The following NETO1 variants were observed in gnomAD, a reference collection of about 807,000 sequenced individuals.
NETO1 encodes neuropilin and tolloid-like protein 1.
A neutral mutation model predicts 61.3 loss-of-function variants in NETO1; 26 were observed. The observed-to-expected ratio is 0.42, with a 90% confidence interval of 0.31 to 0.59. The LOEUF (loss-of-function observed/expected upper bound fraction) is 0.59. Among genes scored for constraint, NETO1 ranks in the 20% least tolerant of loss-of-function variants. The pLI is 0.12. For missense variants in NETO1, 531 were observed against 662.8 expected (o/e 0.80, Z 2.18); for synonymous variants, 225 against 225.8 (o/e 1.00, Z 0.03).
At chr18:72,798,304 C>T (rs73471805) in intron 4 of NETO1, among the ~76,000 whole-genome samples, 50,331 of 152,028 alleles carry the variant, frequency 0.33, 9,416 homozygotes, top group East Asian at 0.52. Flanking sequence ...CTAGGGTGCA[C>T]GCTCCTTATG....
intron 4 of NETO1, among the ~76,000 whole-genome samples, chr18:72,852,506 T>C (rs944407903): frequency 1.4e-4 from 21 of 152,084 alleles, no homozygotes; most frequent in Non-Finnish European, 2.2e-4. Context: ...TGAGCCACCG[T>C]GCCCGGCCGG....
chr18:72,784,373 GT>G (rs2071842900), intron 6 of NETO1, among the ~76,000 whole-genome samples: 1 of 152,078 alleles, frequency 6.6e-6, no homozygotes, highest in Non-Finnish European at 1.5e-5. Context: ...TCTCTGATTT[GT>G]TTAATCAAAT....
chr18:72,858,294 T>G (rs1461933857), intron 4 of NETO1, among the ~76,000 whole-genome samples: 1 of 152,116 alleles, frequency 6.6e-6, no homozygotes, highest in African/African-American at 2.4e-5. Context: ...TGTAAATGAG[T>G]ATTTGGCTGT....
At chr18:72,755,919 G>T in intron 8 of NETO1, 115 bp downstream of exon 8, 1 of 575,472 alleles carries the variant, frequency 1.7e-6, no homozygotes, top group Admixed American at 2.9e-5. Flanking sequence ...ATATGCGGTG[G>T]TCATAAAAGG....
At chr18:72,755,216 T>C (rs1232284413) in intron 8 of NETO1, among the ~76,000 whole-genome samples, 2 of 152,206 alleles carry the variant, frequency 1.3e-5, no homozygotes, top group Non-Finnish European at 2.9e-5. Flanking sequence ...TCAAAAGTAA[T>C]GGATTACGAA....
chr18:72,828,342 A>C (rs2145365257), intron 4 of NETO1, among the ~76,000 whole-genome samples: 1 of 152,300 alleles, frequency 6.6e-6, no homozygotes, highest in East Asian at 1.9e-4. Context: ...AAGAGCTCCC[A>C]AAACAGAAGC....
intron 7 of NETO1, among the ~76,000 whole-genome samples, chr18:72,758,178 G>A (rs1403668008): frequency 6.6e-6 from 1 of 152,076 alleles, no homozygotes; most frequent in African/African-American, 2.4e-5. Flanking sequence ...ATGGGATTGT[G>A]TCTGTTTCTG....
chr18:72,854,727 C>T (rs1182753649), intron 4 of NETO1, among the ~76,000 whole-genome samples: 4 of 152,072 alleles, frequency 2.6e-5, no homozygotes, highest in South Asian at 2.1e-4. Flanking sequence ...AGTGGTATTC[C>T]CTCTTCTAAA....
Position 72,750,135 on chromosome 18 carries a change from A to G in NETO1, c.1468T>C (p.Cys490Arg). 8 of 1,613,668 alleles carry G rather than the reference A, an allele frequency of 5.0e-6. No individual in the cohort carries two copies. Among genetic ancestry groups the G allele is most frequent in the Non-Finnish European group, 6.8e-6 (8 of 1,179,854 alleles). Residue 490 changes from cysteine (C) to arginine (R), a missense_variant, in exon 9 of 11, where the codon TGT (cysteine) becomes CGT (arginine). Physicochemically the swap from Cys to Arg is radical, Grantham distance 180. Transcript: ENST00000327305. Reference protein sequence around the residue: ...HSYSQDAADACDIDEIEEVPT... With the variant: ...HSYSQDAADARDIDEIEEVPT... The stretch of plus-strand genomic sequence containing the variant: ...ACCTCTTCGATTTCATCTATGTCAC[A>G]GGCATCTGCAGCATCTTGCGAGTAG...
At chr18:72,820,283 G>A (rs1365268929) in intron 4 of NETO1, among the ~76,000 whole-genome samples, 1 of 152,152 alleles carries the variant, frequency 6.6e-6, no homozygotes, top group Non-Finnish European at 1.5e-5. Flanking sequence ...TTATAAGCAC[G>A]TTTCTAAAGT....
chr18:72,762,859 G>A (rs116628109), intron 7 of NETO1, among the ~76,000 whole-genome samples: 13,304 of 152,164 alleles, frequency 0.087, 724 homozygotes, highest in Middle Eastern at 0.17. Flanking sequence ...TTATGTAGCA[G>A]GGGACGACAA....
intron 7 of NETO1, among the ~76,000 whole-genome samples, chr18:72,776,058 T>TA (rs1213045334): frequency 9.9e-5 from 15 of 151,876 alleles, no homozygotes; most frequent in African/African-American, 2.9e-4. Context: ...AAACAAAAAA[T>TA]AAAAAAAGAC....
At chr18:72,804,273 G>A (rs909515319) in intron 4 of NETO1, among the ~76,000 whole-genome samples, 7 of 152,096 alleles carry the variant, frequency 4.6e-5, no homozygotes, top group Admixed American at 1.3e-4. Flanking sequence ...CGTCTGCCCC[G>A]ACCAACCTTA....
intron 4 of NETO1, among the ~76,000 whole-genome samples, chr18:72,850,171 A>G (rs985033690): frequency 6.6e-6 from 1 of 152,220 alleles, no homozygotes; most frequent in African/African-American, 2.4e-5. Context: ...GCTACTATAC[A>G]TGGCTTCTAG....
In NETO1 at chr18:72,752,432, G is replaced by A. The variant is rs562054526; in HGVS notation, c.983-1812C>T. On this transcript the variant is annotated intron_variant, in intron 8 of 10. Coordinates refer to ENST00000327305, the MANE Select transcript of NETO1 (RefSeq NM_138966.5). Reference sequence around the variant, plus strand: ...AACCGTGTTGCCCAAGGCTGATGGTGCGAAGTCCAAGGCGGTGGCCTCTGT... The same window carrying A: ...AACCGTGTTGCCCAAGGCTGATGGTACGAAGTCCAAGGCGGTGGCCTCTGT... 1.5e-4 allele frequency among the ~76,000 whole-genome samples: 23 copies of A among 152,300 alleles called. No individual in the cohort carries two copies. In the South Asian group the frequency reaches 4.6e-3, roughly 30 times the overall value.
At chr18:72,856,586 T>C in intron 4 of NETO1, among the ~76,000 whole-genome samples, 1 of 152,132 alleles carries the variant, frequency 6.6e-6, no homozygotes, top group East Asian at 1.9e-4. Context: ...TATTTTATAA[T>C]TAAAAATATT....
chr18:72,748,490 T>C (rs1437541404), intron 10 of NETO1, among the ~76,000 whole-genome samples: 1 of 152,146 alleles, frequency 6.6e-6, no homozygotes, highest in East Asian at 1.9e-4. Context: ...ATGCTGCATT[T>C]AATTTTGATG....
chr18:72,811,756 G>A (rs781643638), intron 4 of NETO1, among the ~76,000 whole-genome samples: 38 of 152,152 alleles, frequency 2.5e-4, no homozygotes, highest in Non-Finnish European at 1.2e-4. Context: ...AGAAAGCTGT[G>A]ATCGTACCAC....
At chr18:72,756,745 A>G (rs2145109738) in intron 7 of NETO1, among the ~76,000 whole-genome samples, 1 of 152,246 alleles carries the variant, frequency 6.6e-6, no homozygotes, top group South Asian at 2.1e-4. Context: ...CTACGCATGT[A>G]TTTCATACAT....
Sources: gnomAD v4.1 joint callset for allele counts (sites outside exome capture counted in the v4.1 genomes callset) on GRCh38, gnomAD v4.1.1 for gene constraint, MANE v1.5 for transcripts, NCBI Gene and HGNC (gene_info 2026-07-23, HGNC 2026-07-21) for gene names.